The following KIAA1549L variants were observed in gnomAD, a reference collection of about 807,000 sequenced individuals.
KIAA1549L encodes UPF0606 protein KIAA1549L.
In KIAA1549L, 88 loss-of-function variants were observed where a neutral mutation model predicts 160.7. That is an observed-to-expected ratio of 0.55 (90% CI 0.46 to 0.65). The LOEUF (loss-of-function observed/expected upper bound fraction) is 0.65, where lower values mean the gene tolerates loss of function less well. Among genes scored for constraint, KIAA1549L ranks in the 30% least tolerant of loss-of-function variants. The pLI, the probability that KIAA1549L is intolerant of heterozygous loss-of-function variation, is 0.00. For synonymous variants in KIAA1549L, 950 were observed against 976.7 expected, an observed-to-expected ratio of 0.97 and a Z score of 0.51; for missense variants, 2,258 against 2,437.5, an observed-to-expected ratio of 0.93 and a Z score of 1.55.
At chr11:33,639,818 G>A (rs1851539309) in intron 16 of KIAA1549L, among the ~76,000 whole-genome samples, 1 of 152,174 alleles carries the variant, frequency 6.6e-6, no homozygotes, top group Non-Finnish European at 1.5e-5. Context: ...GGGATTACAG[G>A]CATGAGCCAC....
chr11:33,426,175 A>C (rs1183267689), intron 1 of KIAA1549L, among the ~76,000 whole-genome samples: 1 of 152,178 alleles, frequency 6.6e-6, no homozygotes, highest in African/African-American at 2.4e-5. Context: ...TGGTTTTGGT[A>C]ATTGTATTAT....
rs114777999 is a variant in KIAA1549L, at chr11:33,622,375, G to T, written c.5409+3713G>T. Among the ~76,000 whole-genome samples, 494 of 152,298 alleles carry T rather than the reference G, an allele frequency of 3.2e-3. 1 individual carries two copies. Among genetic ancestry groups the T allele is most frequent in the African/African-American group, 0.011 (461 of 41,558 alleles). ...AACAAGACCACAGGGCTGGCCCTGAGGAGGGGCTGCTGCCTCTTCCTCAAG... is the reference window on the plus strand; with the variant it reads ...AACAAGACCACAGGGCTGGCCCTGATGAGGGGCTGCTGCCTCTTCCTCAAG... On this transcript the variant is annotated intron_variant, in intron 16 of 20. Transcript: ENST00000658780.
chr11:33,440,476 G>A (rs1241765004), intron 1 of KIAA1549L, among the ~76,000 whole-genome samples: 4 of 152,124 alleles, frequency 2.6e-5, no homozygotes, highest in Non-Finnish European at 5.9e-5. Context: ...TATTCTTTTA[G>A]TAGTTAACCT....
chr11:33,530,777 G>T (rs1371430375), intron 1 of KIAA1549L, among the ~76,000 whole-genome samples: 1 of 152,080 alleles, frequency 6.6e-6, no homozygotes, highest in Non-Finnish European at 1.5e-5. Context: ...CTGAAATTCT[G>T]AAAATTTATA....
chr11:33,493,023 G>T (rs181592278), intron 1 of KIAA1549L, among the ~76,000 whole-genome samples: 1 of 152,236 alleles, frequency 6.6e-6, no homozygotes, highest in Admixed American at 6.5e-5. Context: ...AGAAAAAACA[G>T]GATTCCTCGT....
At chr11:33,430,686 T>C (rs1851219745) in intron 1 of KIAA1549L, among the ~76,000 whole-genome samples, 3 of 152,222 alleles carry the variant, frequency 2.0e-5, no homozygotes, top group Non-Finnish European at 4.4e-5. Context: ...GATGTCAGCA[T>C]CCTGTAGAGT....
rs143167577 is a variant in KIAA1549L, at chr11:33,492,333, T to C, written c.239-49469T>C. Among the ~76,000 whole-genome samples the C allele has an allele frequency of 2.4e-3, 371 of 152,244 alleles. 4 individuals are homozygous for C. The South Asian group carries it at 0.026, about 10-fold the overall frequency. On this transcript the variant is annotated intron_variant, in intron 1 of 20. Coordinates refer to ENST00000658780, the MANE Select transcript of KIAA1549L (RefSeq NM_012194.3). ...AGTTAGCTGAGATCGTGCCACTGCATTCCAGGCTGGAAAACAGAGCAAGAC... is the reference window on the plus strand; with the variant it reads ...AGTTAGCTGAGATCGTGCCACTGCACTCCAGGCTGGAAAACAGAGCAAGAC...
intron 1 of KIAA1549L, among the ~76,000 whole-genome samples, chr11:33,511,665 A>G (rs1429016476): frequency 6.6e-6 from 1 of 152,182 alleles, no homozygotes; most frequent in Non-Finnish European, 1.5e-5. Context: ...AGTCCCAAAT[A>G]TGCACTGACC....
Position 33,671,442 on chromosome 11 carries a change from G to A in KIAA1549L, c.*3288G>A, listed in dbSNP as rs1564954507. 2 of 152,116 alleles carry A rather than the reference G, an allele frequency of 1.3e-5. No individual in the cohort carries two copies. The highest frequency in any genetic ancestry group is 4.1e-4 in the South Asian group (2 of 4,832). 9.4% of individuals were successfully genotyped at this position (152,116 alleles called of 1,614,324 possible). A position where few individuals can be genotyped will look rare whatever the true frequency, so the allele number is the denominator to read the frequency against. On this transcript the variant is annotated 3_prime_UTR_variant, in exon 21 of 21. Coordinates refer to ENST00000658780, the MANE Select transcript of KIAA1549L (RefSeq NM_012194.3). ...CAGAGCAAGGAGTTTCCTCTTTCAG[G>A]GTAGATTATGTAAGAATCAATTCCC... is the stretch of plus-strand genomic sequence containing the variant.
chr11:33,436,455 A>G (rs7358438), intron 1 of KIAA1549L, among the ~76,000 whole-genome samples: 4,630 of 152,244 alleles, frequency 0.03, 237 homozygotes, highest in African/African-American at 0.11. Context: ...CAGACCCTCA[A>G]TAGATTGGAT....
At chr11:33,450,390 A>G (rs1851695670) in intron 1 of KIAA1549L, among the ~76,000 whole-genome samples, 2 of 152,022 alleles carry the variant, frequency 1.3e-5, no homozygotes, top group South Asian at 2.1e-4. Context: ...AGACCCTATC[A>G]TTACAAAAAT....
chr11:33,440,732 C>T (rs981940829), intron 1 of KIAA1549L, among the ~76,000 whole-genome samples: 2 of 152,064 alleles, frequency 1.3e-5, no homozygotes, highest in African/African-American at 4.8e-5. Flanking sequence ...TTACATATTC[C>T]TTCGGGCATC....
chr11:33,622,114 C>T (rs550014409), intron 16 of KIAA1549L, among the ~76,000 whole-genome samples: 42 of 152,126 alleles, frequency 2.8e-4, no homozygotes, highest in African/African-American at 5.3e-4. Flanking sequence ...CTCAAAGAGG[C>T]GATCACAGTC....
At chr11:33,457,156 CCT>C (rs66659818) in intron 1 of KIAA1549L, among the ~76,000 whole-genome samples, 29,434 of 152,024 alleles carry the variant, frequency 0.19, 3,297 homozygotes, top group South Asian at 0.3. Context: ...AGGGTAGTCC[CCT>C]GTCCAGAAGA....
Position 33,542,763 on chromosome 11 carries a change from G to T in KIAA1549L, c.1200G>T (p.Gly400=). The T allele has an allele frequency of 6.2e-7, 1 of 1,613,862 alleles. No homozygotes were observed. The highest frequency in any genetic ancestry group is 8.5e-7 in the Non-Finnish European group (1 of 1,179,832). ...KAGVPGRVHN[G]VSLPTFKNTE... is the part of the protein sequence containing the mutation. Reference sequence around the variant, plus strand: ...GGGTGCCTGGAAGAGTGCACAATGGGGTGTCTTTGCCAACTTTTAAGAATA... The same window carrying T: ...GGGTGCCTGGAAGAGTGCACAATGGTGTGTCTTTGCCAACTTTTAAGAATA... Residue 400 remains glycine, a synonymous_variant, in exon 2 of 21, where the codon GGG becomes GGT. Transcript: ENST00000658780.
rs372369007 is a variant in KIAA1549L, at chr11:33,645,721, C to T, written c.5445C>T (p.Asp1815=). ...AAATCATAGAGGAAACCAACATTGA[C>T]AGAGTTCCTGAGCCCCGGGGCTATT... The part of the protein sequence containing the change: ...EPEIIEETNI[D]RVPEPRGYSR... Residue 1815 remains aspartate (D), a synonymous_variant, in exon 17 of 21, where the codon GAC becomes GAT. Transcript: ENST00000658780. 1.6e-5 allele frequency: 26 copies of T among 1,613,796 alleles called. No individual in the cohort carries two copies. The highest frequency in any genetic ancestry group is 2.2e-5 in the Non-Finnish European group (26 of 1,179,828).
chr11:33,548,556 A>G (rs148450032), intron 4 of KIAA1549L, among the ~76,000 whole-genome samples: 20 of 152,308 alleles, frequency 1.3e-4, no homozygotes, highest in Non-Finnish European at 2.5e-4. Flanking sequence ...GTAAACAGTG[A>G]TTTATTTCTG....
chr11:33,509,584 T>C (rs1376993393), intron 1 of KIAA1549L, among the ~76,000 whole-genome samples: 1 of 152,212 alleles, frequency 6.6e-6, no homozygotes, highest in African/African-American at 2.4e-5. Context: ...AAAATTTTCA[T>C]AGTGTTTATG....
chr11:33,645,571 A>T, intron 16 of KIAA1549L, 115 bp from the exon 17 acceptor site: 2 of 769,072 alleles, frequency 2.6e-6, no homozygotes, highest in Non-Finnish European at 2.2e-6. Context: ...GATATAATTT[A>T]AATTAGCACA....
Sources: gnomAD v4.1 joint callset for allele counts (sites outside exome capture counted in the v4.1 genomes callset) on GRCh38, gnomAD v4.1.1 for gene constraint, MANE v1.5 for transcripts, NCBI Gene and HGNC (gene_info 2026-07-23, HGNC 2026-07-21) for gene names.